Variants in AAK1 observed in about 807,000 individuals in gnomAD.
The protein encoded by AAK1 is AP2 associated kinase 1, also known as AP2-associated protein kinase 1.
In AAK1, 37 loss-of-function variants were observed where a neutral mutation model predicts 116.0. That is an observed-to-expected ratio of 0.32 (90% CI 0.25 to 0.42). The LOEUF is 0.42. Among genes scored for constraint, AAK1 ranks in the 10% least tolerant of loss-of-function variants. The pLI is 1.00. For missense variants in AAK1, 919 were observed against 1,170.6 expected, an observed-to-expected ratio of 0.79 and a Z score of 3.14; for synonymous variants, 458 against 439.9, an observed-to-expected ratio of 1.04 and a Z score of -0.51.
At chr2:69,512,943 T>C (rs1676446846) in intron 13 of AAK1, among the ~76,000 whole-genome samples, 1 of 152,206 alleles carries the variant, frequency 6.6e-6, no homozygotes, top group South Asian at 2.1e-4. Flanking sequence ...TTGCCCCAGC[T>C]CCACTACCAT....
chr2:69,507,310 C>T (rs1281242926), intron 15 of AAK1, 111 bp downstream of exon 15: 6 of 1,325,996 alleles, frequency 4.5e-6, no homozygotes, highest in East Asian at 5.0e-5. Context: ...CCCAAGCCTA[C>T]GTTTCCACAT....
chr2:69,598,248 G>A, intron 2 of AAK1: 1 of 460,882 alleles, frequency 2.2e-6, no homozygotes, highest in Non-Finnish European at 3.7e-6. Context: ...AACCAGAGAA[G>A]TTTTTCACAG....
At chr2:69,479,958 T>C (rs1321622792) in intron 19 of AAK1, among the ~76,000 whole-genome samples, 1 of 152,088 alleles carries the variant, frequency 6.6e-6, no homozygotes, top group Non-Finnish European at 1.5e-5. Context: ...TTTCTCCATG[T>C]TGGTCAGGCT....
At chr2:69,579,473 G>T (rs1436062852) in intron 2 of AAK1, among the ~76,000 whole-genome samples, 1 of 152,192 alleles carries the variant, frequency 6.6e-6, no homozygotes. Context: ...CAACTACTCA[G>T]GAGACTGAGG....
Position 69,465,814 on chromosome 2 carries a change from G to A in AAK1, c.*10055C>T. ...GAATGGGACAGGAGGTTAGACTGTT[G>A]CACAAAACCAGCTGTGGAATACTGA... On this transcript the variant is annotated 3_prime_UTR_variant, in exon 22 of 22. Transcript: ENST00000409085. The A allele has an allele frequency of 7.7e-7, 1 of 1,290,830 alleles. No homozygotes were observed. Among genetic ancestry groups the A allele is most frequent in the Non-Finnish European group, 1.0e-6 (1 of 988,888 alleles). The allele number at this position is 1,290,830 out of a possible 1,614,324, so 80.0% of individuals were successfully genotyped here. A position where few individuals can be genotyped will look rare whatever the true frequency, so the allele number is the denominator to read the frequency against.
In AAK1 at chr2:69,470,800, G is replaced by T; in HGVS notation, c.*5069C>A. 1.0e-6 allele frequency: 1 copy of T among 985,748 alleles called. No individual in the cohort carries two copies. Among genetic ancestry groups the T allele is most frequent in the Non-Finnish European group, 1.2e-6 (1 of 829,908 alleles). 61.1% of individuals were successfully genotyped at this position (985,748 alleles called of 1,614,324 possible). A position where few individuals can be genotyped will look rare whatever the true frequency, so the allele number is the denominator to read the frequency against. On this transcript the variant is annotated 3_prime_UTR_variant, in exon 22 of 22. Transcript: ENST00000409085. ...CTCAGTGTGTAGCTATACTTTTCTT[G>T]TGCCCAGGTACTTATTGTCACTCAA...
In AAK1 at chr2:69,510,169, A is replaced by G. The variant is rs529462845; in HGVS notation, c.1777-709T>C. 3.9e-5 allele frequency among the ~76,000 whole-genome samples: 6 copies of G among 152,272 alleles called. No homozygotes were observed. In the South Asian group the frequency reaches 1.2e-3, roughly 32 times the overall value. ...CAAGGTACTAAGCCTAGTACACAAG[A>G]GTTATTTTTTCTGATCCTCTCCCTC... is the stretch of plus-strand genomic sequence containing the variant. On this transcript the variant is annotated intron_variant, in intron 13 of 21. Transcript: ENST00000409085.
chr2:69,643,437 C>G, intron 1 of AAK1, 138 bp downstream of exon 1: 1 of 1,188,408 alleles, frequency 8.4e-7, no homozygotes, highest in East Asian at 3.2e-5. Flanking sequence ...GGCCCCAGAA[C>G]CCGGGACCCC....
At chr2:69,612,937 G>A (rs1191562008) in intron 2 of AAK1, among the ~76,000 whole-genome samples, 1 of 152,192 alleles carries the variant, frequency 6.6e-6, no homozygotes, top group Admixed American at 6.5e-5. Flanking sequence ...ACATATCAGT[G>A]TCCTTAGGGG....
At chr2:69,540,759 T>C (rs1408558742) in intron 5 of AAK1, among the ~76,000 whole-genome samples, 1 of 152,222 alleles carries the variant, frequency 6.6e-6, no homozygotes, top group East Asian at 1.9e-4. Context: ...GGTATAGACC[T>C]ATAAGAATTC....
chr2:69,537,400 C>T (rs1227747060), intron 5 of AAK1, among the ~76,000 whole-genome samples: 3 of 152,146 alleles, frequency 2.0e-5, no homozygotes, highest in African/African-American at 7.2e-5. Flanking sequence ...GTAGGGAGGG[C>T]AAGGGGGGTT....
At chr2:69,516,763 G>A (rs1368951695) in intron 12 of AAK1, 1 of 152,218 alleles carries the variant, frequency 6.6e-6, no homozygotes, top group East Asian at 1.9e-4. Context: ...CAGGCATGGT[G>A]GTGTGCACCT....
rs1558978503 is a variant in AAK1, at chr2:69,582,159, TAG to T, written c.164-25183_164-25182del. 2.6e-5 allele frequency among the ~76,000 whole-genome samples: 4 copies of T among 152,324 alleles called. No individual in the cohort carries two copies. The East Asian group carries it at 5.8e-4, about 22-fold the overall frequency. On this transcript the variant is annotated intron_variant, in intron 2 of 21. Transcript: ENST00000409085. ...TAGTAAATAAATAGCTAAATGCTGATAGAGTCTGATTCAGCAAGCCTGAGTGG... is the reference window on the plus strand; with the variant it reads ...TAGTAAATAAATAGCTAAATGCTGATAGTCTGATTCAGCAAGCCTGAGTGG...
Position 69,471,839 on chromosome 2 carries a change from G to A in AAK1, c.*4030C>T. 1 of 985,344 alleles carries A rather than the reference G, an allele frequency of 1.0e-6. No homozygotes were observed. Among genetic ancestry groups the A allele is most frequent in the Non-Finnish European group, 1.2e-6 (1 of 829,920 alleles). The allele number at this position is 985,344 out of a possible 1,614,324, so 61.0% of individuals were successfully genotyped here. ...TTCCTAACCTGGGGAAGGTTATATTGGTTGATCAATTATCTGTCAGGAGAG... is the reference window on the plus strand; with the variant it reads ...TTCCTAACCTGGGGAAGGTTATATTAGTTGATCAATTATCTGTCAGGAGAG... On this transcript the variant is annotated 3_prime_UTR_variant, in exon 22 of 22. Coordinates refer to ENST00000409085, the MANE Select transcript of AAK1 (RefSeq NM_014911.5).
chr2:69,478,959 A>G lies in AAK1; in HGVS notation c.2672T>C (p.Val891Ala). ...AAGAAGAAAGCATTTACCTTTATGGACTGGAGCAGAGATTGCTGTGGGGGC... is the reference window on the plus strand; with the variant it reads ...AAGAAGAAAGCATTTACCTTTATGGGCTGGAGCAGAGATTGCTGTGGGGGC... The part of the protein sequence containing the change: ...EFAPTAISAP[V>A]HKAAEDSNLI... The change falls in exon 20 of 22, where the codon GTC becomes GCC. Residue 891 changes from valine to alanine, a missense_variant. Around this residue, in one of 4 missense-constraint regions of AAK1, gnomAD observed 263 missense variants for 285.5 expected, o/e 0.92. Transcript: ENST00000409085. 1.9e-6 allele frequency: 3 copies of G among 1,610,568 alleles called. No individual in the cohort carries two copies. Among genetic ancestry groups the G allele is most frequent in the Non-Finnish European group, 2.5e-6 (3 of 1,176,832 alleles).
intron 13 of AAK1, 39 bp from the exon 14 acceptor site, chr2:69,509,499 A>C: frequency 2.0e-6 from 3 of 1,514,486 alleles, no homozygotes; most frequent in Non-Finnish European, 2.7e-6. Flanking sequence ...CATTAAATTA[A>C]AAAAAAAAGT....
At chr2:69,621,460 C>T (rs766529264) in intron 2 of AAK1, among the ~76,000 whole-genome samples, 3 of 150,666 alleles carry the variant, frequency 2.0e-5, no homozygotes, top group Non-Finnish European at 4.4e-5. Context: ...CCAGCCTGGG[C>T]GACAGAGCAA....
At chr2:69,604,656 C>A (rs1673720800) in intron 2 of AAK1, among the ~76,000 whole-genome samples, 1 of 152,148 alleles carries the variant, frequency 6.6e-6, no homozygotes, top group African/African-American at 2.4e-5. Context: ...AGGGACACTC[C>A]AGGCTGAGGC....
Position 69,463,291 on chromosome 2 carries a change from G to A in AAK1, c.*12578C>T, listed in dbSNP as rs1387593186. ...AGCATTAAAGTTGAAACCTAATGCA[G>A]CAGTTCTTTCCAGTGAGTTGAACTG... On this transcript the variant is annotated 3_prime_UTR_variant, in exon 22 of 22. Coordinates refer to ENST00000409085, the MANE Select transcript of AAK1 (RefSeq NM_014911.5). 1 of 152,216 alleles carries A rather than the reference G, an allele frequency of 6.6e-6. No homozygotes were observed. The highest frequency in any genetic ancestry group is 1.5e-5 in the Non-Finnish European group (1 of 68,040). The allele number at this position is 152,216 out of a possible 1,614,324, so 9.4% of individuals were successfully genotyped here.
Sources: gnomAD v4.1 joint callset for allele counts (sites outside exome capture counted in the v4.1 genomes callset) on GRCh38, gnomAD v4.1.1 for gene constraint, gnomAD v4.1.1 regional missense constraint, MANE v1.5 for transcripts, NCBI Gene and HGNC (gene_info 2026-07-23, HGNC 2026-07-21) for gene names.